Variants in CHD9NB observed in about 807,000 individuals in gnomAD.
CHD9NB encodes the protein CHD9 neighbor protein.
At chr16:53,044,093 G>A in the CHD9NB span, 11 of 398,740 alleles carry the variant, frequency 2.8e-5, no homozygotes, top group Admixed American at 1.8e-4. Flanking sequence ...CTCTTCCCTC[G>A]CGCTCTTCTT....
At chr16:53,037,420 G>C in the CHD9NB span, among the ~76,000 whole-genome samples, 1 of 152,112 alleles carries the variant, frequency 6.6e-6, no homozygotes, top group African/African-American at 2.4e-5. Flanking sequence ...TTTCCTACTT[G>C]CATATCGGAG....
chr16:53,047,625 G>A, the CHD9NB span, among the ~76,000 whole-genome samples: 7 of 152,214 alleles, frequency 4.6e-5, no homozygotes, highest in Non-Finnish European at 7.4e-5. Context: ...TCCTTACGAC[G>A]TCATTTAACC....
At chr16:53,050,590 T>A in the CHD9NB span, among the ~76,000 whole-genome samples, 1 of 152,180 alleles carries the variant, frequency 6.6e-6, no homozygotes, top group African/African-American at 2.4e-5. Context: ...GCTATTACAC[T>A]TCATAACACC....
chr16:53,043,176 A>T, the CHD9NB span: 1 of 152,268 alleles, frequency 6.6e-6, no homozygotes, highest in Non-Finnish European at 1.5e-5. Context: ...CGGGGGAGAA[A>T]AGAGAGGCTG....
the CHD9NB span, among the ~76,000 whole-genome samples, chr16:53,050,547 GGAAA>G: frequency 6.6e-6 from 1 of 152,098 alleles, no homozygotes; most frequent in Non-Finnish European, 1.5e-5. Flanking sequence ...TGGGATTTTT[GGAAA>G]GAGTCAATGA....
the CHD9NB span, among the ~76,000 whole-genome samples, chr16:53,041,714 T>G: frequency 2.0e-5 from 3 of 151,938 alleles, no homozygotes; most frequent in Non-Finnish European, 4.4e-5. Context: ...GCTCTCACCA[T>G]GCACAGTCCT....
chr16:53,044,336 G>T, the CHD9NB span: 5 of 394,330 alleles, frequency 1.3e-5, no homozygotes, highest in East Asian at 1.1e-4. Flanking sequence ...GCCCCCTGTG[G>T]GGTGGGCAGG....
the CHD9NB span, chr16:53,042,652 G>T: frequency 6.6e-6 from 1 of 151,896 alleles, no homozygotes; most frequent in Non-Finnish European, 1.5e-5. Flanking sequence ...ACCTGCAGTG[G>T]GGCAACTCCA....
At chr16:53,048,447 T>A in the CHD9NB span, among the ~76,000 whole-genome samples, 10 of 152,090 alleles carry the variant, frequency 6.6e-5, no homozygotes, top group African/African-American at 1.7e-4. Flanking sequence ...AAAATAAAAA[T>A]TTTTAAAGAT....
the CHD9NB span, among the ~76,000 whole-genome samples, chr16:53,041,778 C>T: frequency 6.8e-6 from 1 of 146,794 alleles, no homozygotes; most frequent in Admixed American, 6.8e-5. Flanking sequence ...ACAGAGTTGT[C>T]TTAAAAAAAA....
At chr16:53,050,719 A>T in the CHD9NB span, among the ~76,000 whole-genome samples, 3 of 152,166 alleles carry the variant, frequency 2.0e-5, no homozygotes, top group Non-Finnish European at 4.4e-5. Flanking sequence ...CCAGCCTTAC[A>T]AGACCAAGTG....
At chr16:53,044,238 C>G in the CHD9NB span, 8 of 397,876 alleles carry the variant, frequency 2.0e-5, no homozygotes, top group Non-Finnish European at 3.1e-5. Flanking sequence ...TGGGGGCCAG[C>G]GTTAAATAAC....
the CHD9NB span, among the ~76,000 whole-genome samples, chr16:53,036,490 G>T: frequency 6.6e-6 from 1 of 152,156 alleles, no homozygotes; most frequent in Admixed American, 6.5e-5. Flanking sequence ...TCCAAGCAGT[G>T]CCTCCCCTCA....
chr16:53,043,839 G>T, the CHD9NB span: 15 of 396,322 alleles, frequency 3.8e-5, no homozygotes, highest in South Asian at 1.9e-3. Context: ...TCTCCAATGA[G>T]CAAAGGCTGC....
At chr16:53,050,318 G>A in the CHD9NB span, among the ~76,000 whole-genome samples, 1 of 152,108 alleles carries the variant, frequency 6.6e-6, no homozygotes, top group Non-Finnish European at 1.5e-5. Flanking sequence ...ACCAGCCTGA[G>A]CAACATGGTG....
the CHD9NB span, among the ~76,000 whole-genome samples, chr16:53,046,263 G>A: frequency 6.6e-6 from 1 of 152,080 alleles, no homozygotes; most frequent in East Asian, 1.9e-4. Context: ...CAGCCCAAGA[G>A]ACAAGCAGCA....
chr16:53,037,183 C>T, the CHD9NB span, among the ~76,000 whole-genome samples: 2 of 152,186 alleles, frequency 1.3e-5, no homozygotes, highest in Non-Finnish European at 2.9e-5. Flanking sequence ...ATCCACCCAC[C>T]TCGGCCTCCC....
the CHD9NB span, chr16:53,043,947 G>A: frequency 1.5e-5 from 6 of 398,504 alleles, no homozygotes; most frequent in Non-Finnish European, 2.2e-5. Flanking sequence ...TGGTTCTGGG[G>A]CCAAAGGCAG....
chr16:53,043,391 C>A, the CHD9NB span: 3 of 152,182 alleles, frequency 2.0e-5, no homozygotes, highest in Non-Finnish European at 4.4e-5. Flanking sequence ...TACTGGAGGA[C>A]CAAGACCTTG....
Sources: allele counts gnomAD v4.1 joint callset (sites outside exome capture counted in the v4.1 genomes callset), GRCh38; gene constraint gnomAD v4.1.1; transcripts MANE v1.5; gene names NCBI Gene and HGNC (gene_info 2026-07-23, HGNC 2026-07-21).